Variants in COL4A6 observed in about 807,000 individuals in gnomAD.
COL4A6 encodes the protein collagen alpha-6(IV) chain.
COL4A6 carries 59 observed loss-of-function variants against 126.7 expected under a neutral mutation model. The observed-to-expected ratio is 0.47, with a 90% CI of 0.38 to 0.58. The LOEUF (loss-of-function observed/expected upper bound fraction) is 0.58. Ranked by LOEUF, COL4A6 falls within the 20% of genes least tolerant of loss-of-function variation. COL4A6 has a pLI of 0.00. For missense variants in COL4A6, 1,285 were observed against 1,337.3 expected, an observed-to-expected ratio of 0.96 and a Z score of 0.61; for synonymous variants, 547 against 496.6, an observed-to-expected ratio of 1.10 and a Z score of -1.35.
intron 17 of COL4A6, 75 bp downstream of exon 17, chrX:108,193,553 C>A: frequency 1.2e-6 from 1 of 862,923 alleles, no homozygotes; most frequent in Non-Finnish European, 1.7e-6. Flanking sequence ...ACAAAGTATC[C>A]TTTTAATAAT....
intron 27 of COL4A6, 119 bp from the exon 28 acceptor site, chrX:108,177,130 C>T: frequency 1.6e-6 from 1 of 632,700 alleles, no homozygotes; most frequent in Admixed American, 3.3e-5. Context: ...GTAAATGGCC[C>T]TTTAACAATA....
Position 108,170,901 on chromosome X carries a change from A to G in COL4A6, c.3294T>C (p.Asp1098=). The change falls in exon 34 of 45, where the codon GAT becomes GAC. Residue 1098 remains aspartate, a synonymous_variant. Coordinates refer to ENST00000334504, the MANE Select transcript of COL4A6 (RefSeq NM_033641.4). ...GGAAGCCTATATTGCCTATTAGTCC[A>G]TCTCTTCCTTTTGTGCCTATAAAAC... ...ESGFKGTKGR[D]GLIGNIGFPG... is the part of the protein sequence containing the mutation. 8.3e-7 allele frequency: 1 copy of G among 1,210,944 alleles called. No individual in the cohort carries two copies. Among genetic ancestry groups the G allele is most frequent in the Non-Finnish European group, 1.1e-6 (1 of 894,476 alleles).
chrX:108,164,803 T>C (rs1453432865), intron 39 of COL4A6, 74 bp downstream of exon 39: 1 of 1,183,697 alleles, frequency 8.4e-7, no homozygotes, highest in African/African-American at 1.8e-5. Flanking sequence ...CACCGGCCTC[T>C]CTTCACAGGA....
chrX:108,323,189 C>T (rs1407290673), intron 2 of COL4A6, among the ~76,000 whole-genome samples: 1 of 112,030 alleles, frequency 8.9e-6, no homozygotes, highest in Admixed American at 9.5e-5. Flanking sequence ...GCAATGATTA[C>T]ATTTATTCAT....
chrX:108,213,894 G>T, intron 6 of COL4A6: 1 of 341,652 alleles, frequency 2.9e-6, no homozygotes, highest in Non-Finnish European at 5.0e-6. Context: ...TAAAAAAAAG[G>T]CAACCCTAAG....
At chrX:108,178,590 C>T in intron 27 of COL4A6, 94 bp downstream of exon 27, 1 of 897,996 alleles carries the variant, frequency 1.1e-6, no homozygotes, top group Non-Finnish European at 1.5e-6. Flanking sequence ...AAATTCTGAC[C>T]ATGTCCCACT....
chrX:108,263,419 C>T (rs2037217872), intron 3 of COL4A6, among the ~76,000 whole-genome samples: 1 of 111,983 alleles, frequency 8.9e-6, no homozygotes, highest in Non-Finnish European at 1.9e-5. Flanking sequence ...TCAAAGTTCT[C>T]ATTCATTTGA....
chrX:108,373,169 T>C (rs1332661910), intron 2 of COL4A6, among the ~76,000 whole-genome samples: 4 of 111,180 alleles, frequency 3.6e-5, no homozygotes, highest in African/African-American at 9.8e-5. Flanking sequence ...TAGGGAGGCA[T>C]AGGCAGGAGG....
At chrX:108,323,522 C>T (rs2039078836) in intron 2 of COL4A6, among the ~76,000 whole-genome samples, 1 of 111,870 alleles carries the variant, frequency 8.9e-6, no homozygotes, top group African/African-American at 3.2e-5. Context: ...TTTAAGGGCA[C>T]TCAAAATTAG....
intron 15 of COL4A6, 30 bp from the exon 16 acceptor site, chrX:108,194,617 G>A: frequency 8.5e-7 from 1 of 1,173,393 alleles, no homozygotes; most frequent in Non-Finnish European, 1.2e-6. Context: ...ACCACTAAGT[G>A]GAAAGTATGA....
intron 2 of COL4A6, among the ~76,000 whole-genome samples, chrX:108,373,778 A>G (rs1269555821): frequency 8.9e-6 from 1 of 111,943 alleles, no homozygotes; most frequent in African/African-American, 3.2e-5. Flanking sequence ...CTCTTCACAC[A>G]TATGCATAAT....
In COL4A6 at chrX:108,209,993, C is replaced by A; in HGVS notation, c.522G>T (p.Gly174=). The stretch of plus-strand genomic sequence containing the variant: ...CAGTGATTCCATCCAGTCCAGGCAG[C>A]CCAGGATCCCCCTGAGAAACAAAGG... ...GSFKGMKGDP[G]LPGLDGITGP... is the part of the protein sequence containing the mutation. Residue 174 remains glycine (G), a synonymous_variant, in exon 8 of 45, where the codon GGG becomes GGT. Coordinates refer to ENST00000334504, the MANE Select transcript of COL4A6 (RefSeq NM_033641.4). The A allele has an allele frequency of 8.3e-7, 1 of 1,209,095 alleles. No individual in the cohort carries two copies. The highest frequency in any genetic ancestry group is 2.3e-4 in the Middle Eastern group (1 of 4,342).
At chrX:108,158,933 G>A (rs761779490) in intron 44 of COL4A6, among the ~76,000 whole-genome samples, 101 of 112,475 alleles carry the variant, frequency 9.0e-4, no homozygotes, top group African/African-American at 3.0e-3. Context: ...AGCATGGCTG[G>A]CCGCTGCCTT....
At chrX:108,187,635 C>A (rs957028500) in intron 22 of COL4A6, among the ~76,000 whole-genome samples, 4 of 112,030 alleles carry the variant, frequency 3.6e-5, no homozygotes, top group African/African-American at 9.7e-5. Flanking sequence ...GTGTTACTAG[C>A]ATTTATCAAA....
At chrX:108,322,553 G>C (rs958057860) in intron 2 of COL4A6, among the ~76,000 whole-genome samples, 6 of 112,086 alleles carry the variant, frequency 5.4e-5, no homozygotes, top group Non-Finnish European at 9.4e-5. Flanking sequence ...GTATGAACCA[G>C]GGCCTGAGGG....
At chrX:108,185,420 C>T (rs1209769331) in intron 23 of COL4A6, among the ~76,000 whole-genome samples, 1 of 107,955 alleles carries the variant, frequency 9.3e-6, no homozygotes, top group Admixed American at 9.9e-5. Flanking sequence ...AATGTCCTTA[C>T]AACCTTCACA....
At chrX:108,288,730 T>C (rs1348733343) in intron 3 of COL4A6, among the ~76,000 whole-genome samples, 1 of 111,192 alleles carries the variant, frequency 9.0e-6, no homozygotes, top group Non-Finnish European at 1.9e-5. Flanking sequence ...ATACTTTCAG[T>C]GTAAAGAAGC....
At chrX:108,332,702 T>C (rs2039331215) in intron 2 of COL4A6, among the ~76,000 whole-genome samples, 1 of 111,431 alleles carries the variant, frequency 9.0e-6, no homozygotes, top group African/African-American at 3.2e-5. Flanking sequence ...GAGTTATTTG[T>C]TAGTTTTTTT....
chrX:108,313,012 G>A (rs1030957013), intron 2 of COL4A6, among the ~76,000 whole-genome samples: 11 of 112,440 alleles, frequency 9.8e-5, no homozygotes, highest in African/African-American at 9.7e-5. Flanking sequence ...GAACAAGGAG[G>A]CAAAGACACT....
Sources: gnomAD v4.1 joint callset for allele counts (sites outside exome capture counted in the v4.1 genomes callset) on GRCh38, gnomAD v4.1.1 for gene constraint, MANE v1.5 for transcripts, NCBI Gene and HGNC (gene_info 2026-07-23, HGNC 2026-07-21) for gene names.